The following ANO2 variants were observed in gnomAD, a reference collection of about 807,000 sequenced individuals.
ANO2 encodes the protein anoctamin-2.
In ANO2, 101 loss-of-function variants were observed where a neutral mutation model predicts 124.2. That is an observed-to-expected ratio of 0.81 (90% CI 0.69 to 0.96). ANO2 has a LOEUF of 0.96. ANO2 is among the 40% of genes least tolerant of loss of function. ANO2 has a pLI of 0.00. For missense variants in ANO2, 1,293 were observed against 1,274.5 expected, an observed-to-expected ratio of 1.01 and a Z score of -0.22; for synonymous variants, 486 against 482.5, an observed-to-expected ratio of 1.01 and a Z score of -0.09.
intron 4 of ANO2, among the ~76,000 whole-genome samples, chr12:5,836,395 CAAAGT>C (rs1338652059): frequency 6.6e-6 from 1 of 152,154 alleles, no homozygotes; most frequent in Non-Finnish European, 1.5e-5. Flanking sequence ...CATATACTAA[CAAAGT>C]ATGCATTGTT....
intron 4 of ANO2, among the ~76,000 whole-genome samples, chr12:5,845,847 T>C (rs1000262342): frequency 7.9e-5 from 12 of 152,218 alleles, no homozygotes. Flanking sequence ...CATATCTACC[T>C]CATGTCGTTG....
intron 3 of ANO2, among the ~76,000 whole-genome samples, chr12:5,905,893 C>T (rs559996892): frequency 6.6e-6 from 1 of 152,314 alleles, no homozygotes; most frequent in South Asian, 2.1e-4. Context: ...GACTCAGGTT[C>T]ACCCTACAGG....
At chr12:5,614,184 T>A (rs1175014074) in intron 17 of ANO2, among the ~76,000 whole-genome samples, 1 of 152,226 alleles carries the variant, frequency 6.6e-6, no homozygotes, top group Non-Finnish European at 1.5e-5. Flanking sequence ...TGATTTTACA[T>A]CCAGACTGAC....
chr12:5,775,048 T>C (rs1052246506), intron 10 of ANO2, among the ~76,000 whole-genome samples: 3 of 152,200 alleles, frequency 2.0e-5, no homozygotes, highest in Non-Finnish European at 4.4e-5. Context: ...AATTTGCAGA[T>C]CAGGAAAACC....
At chr12:5,677,940 T>C (rs1948325775) in intron 14 of ANO2, among the ~76,000 whole-genome samples, 4 of 152,058 alleles carry the variant, frequency 2.6e-5, no homozygotes, top group African/African-American at 7.2e-5. Flanking sequence ...TTTCAATGAA[T>C]GGAAGGTTGT....
At chr12:5,631,128 T>C (rs1489442635) in intron 16 of ANO2, among the ~76,000 whole-genome samples, 1 of 152,172 alleles carries the variant, frequency 6.6e-6, no homozygotes, top group Non-Finnish European at 1.5e-5. Context: ...GATGAATTTA[T>C]TACCCCAGCA....
intron 4 of ANO2, among the ~76,000 whole-genome samples, chr12:5,850,057 C>T (rs968730222): frequency 2.6e-5 from 4 of 152,044 alleles, no homozygotes; most frequent in Admixed American, 6.6e-5. Context: ...CAAGTTATAT[C>T]CCCCCTCATC....
chr12:5,691,319 C>G (rs1355721859), intron 14 of ANO2, among the ~76,000 whole-genome samples: 1 of 92,694 alleles, frequency 1.1e-5, no homozygotes, highest in Non-Finnish European at 2.0e-5. Context: ...CAGAGCAAGA[C>G]TCCATCTCAA....
chr12:5,832,867 C>T (rs1316715700), intron 4 of ANO2, among the ~76,000 whole-genome samples: 1 of 152,190 alleles, frequency 6.6e-6, no homozygotes, highest in East Asian at 1.9e-4. Context: ...TTCTATATGA[C>T]TCGATATCAT....
chr12:5,882,925 G>A (rs1938602241), intron 3 of ANO2, among the ~76,000 whole-genome samples: 2 of 152,190 alleles, frequency 1.3e-5, no homozygotes, highest in African/African-American at 2.4e-5. Flanking sequence ...GGGAAATTAT[G>A]AGGATGAGGT....
At chr12:5,588,289 G>A (rs3825278) in intron 20 of ANO2, among the ~76,000 whole-genome samples, 31,793 of 130,648 alleles carry the variant, frequency 0.24, 6,050 homozygotes, top group African/African-American at 0.53. Flanking sequence ...ATTTTTGTTC[G>A]AAGTCCAAGA....
intron 10 of ANO2, among the ~76,000 whole-genome samples, chr12:5,760,755 T>C (rs1951716009): frequency 6.6e-6 from 1 of 152,036 alleles, no homozygotes; most frequent in Non-Finnish European, 1.5e-5. Context: ...CAAAATCTGG[T>C]CCCATCCCCT....
At chr12:5,798,902 A>G (rs1952954081) in intron 10 of ANO2, among the ~76,000 whole-genome samples, 1 of 152,242 alleles carries the variant, frequency 6.6e-6, no homozygotes, top group Admixed American at 6.5e-5. Context: ...GACCTATGAC[A>G]TTCCAGTAAG....
chr12:5,640,829 ATC>A (rs1242808059), intron 15 of ANO2, among the ~76,000 whole-genome samples: 19 of 152,236 alleles, frequency 1.2e-4, no homozygotes, highest in African/African-American at 4.6e-4. Flanking sequence ...TTCCTCAAGG[ATC>A]TAGAACTAGA....
At chr12:5,621,988 A>G (rs1048052735) in intron 16 of ANO2, among the ~76,000 whole-genome samples, 3 of 152,178 alleles carry the variant, frequency 2.0e-5, no homozygotes, top group Non-Finnish European at 4.4e-5. Context: ...GAGGCATCCA[A>G]TTTAACAACA....
At chr12:5,714,602 G>A (rs538185060) in intron 14 of ANO2, among the ~76,000 whole-genome samples, 1 of 152,306 alleles carries the variant, frequency 6.6e-6, no homozygotes, top group African/African-American at 2.4e-5. Context: ...TGTTGTAATA[G>A]TAGTTATTGC....
chr12:5,936,405 G>C (rs963437151), intron 1 of ANO2, among the ~76,000 whole-genome samples: 5 of 152,076 alleles, frequency 3.3e-5, no homozygotes, highest in African/African-American at 1.2e-4. Context: ...AAGTCATAAG[G>C]GCTCTGCCTT....
chr12:5,900,223 G>A lies in ANO2; in HGVS notation c.534+20817C>T, dbSNP rs977234967. Among the ~76,000 whole-genome samples the A allele has an allele frequency of 5.9e-5, 9 of 152,136 alleles. No individual in the cohort carries two copies. Among genetic ancestry groups the A allele is most frequent in the Non-Finnish European group, 1.3e-4 (9 of 68,018 alleles). Reference sequence around the variant, plus strand: ...CCAAGAGCCCTGAGAGGATGGAGAGGCACCACTATGCCCAGCTTCATCTTC... The same window carrying A: ...CCAAGAGCCCTGAGAGGATGGAGAGACACCACTATGCCCAGCTTCATCTTC... On this transcript the variant is annotated intron_variant, in intron 3 of 24. Coordinates refer to ENST00000682330, the MANE Select transcript of ANO2 (RefSeq NM_001364791.2). This position sits in a 1 kb window ranked among gnomAD's most constrained non-coding sequence, Gnocchi z 4.2.
rs566932849 is a variant in ANO2 at position 5,750,104 on chromosome 12, T to TC, written c.1190+731_1190+732insG. Among the ~76,000 whole-genome samples, 3 of 142,774 alleles carry TC rather than the reference T, an allele frequency of 2.1e-5. No homozygotes were observed. The East Asian group carries it at 6.0e-4, about 29-fold the overall frequency. The allele number at this position is 142,774 out of a possible 152,430, so 93.7% of individuals were successfully genotyped here. A position where few individuals can be genotyped will look rare whatever the true frequency, so the allele number is the denominator to read the frequency against. On this transcript the variant is annotated intron_variant, in intron 11 of 24. Coordinates refer to ENST00000682330, the MANE Select transcript of ANO2 (RefSeq NM_001364791.2). ...TGCCACCAAACCAAGCCCAGCTAAA[T>TC]TTTTTTTTTTTTTAGAGATGAGGTC...
Sources: allele counts gnomAD v4.1 joint callset (sites outside exome capture counted in the v4.1 genomes callset), GRCh38; gene constraint gnomAD v4.1.1; non-coding constraint Gnocchi (gnomAD v3.1); transcripts MANE v1.5; gene names NCBI Gene and HGNC (gene_info 2026-07-23, HGNC 2026-07-21).